The following IQCM variants were observed in gnomAD, a reference collection of about 807,000 sequenced individuals.
IQCM encodes IQ motif containing M.
IQCM carries 45 observed loss-of-function variants against 57.6 expected under a neutral mutation model. The observed-to-expected ratio is 0.78, with a 90% CI of 0.62 to 1.00. The LOEUF (loss-of-function observed/expected upper bound fraction) is 1.00, where lower values mean the gene tolerates loss of function less well. Ranked by LOEUF, IQCM falls within the 50% of genes least tolerant of loss-of-function variation. The pLI is 0.00. For synonymous variants in IQCM, 148 were observed against 158.9 expected (o/e 0.93, Z 0.51); for missense variants, 468 against 511.6 (o/e 0.91, Z 0.82).
intron 12 of IQCM, among the ~76,000 whole-genome samples, chr4:149,495,131 A>G (rs1742521315): frequency 1.3e-5 from 2 of 152,150 alleles, no homozygotes; most frequent in African/African-American, 4.8e-5. Flanking sequence ...CAGGGGATAC[A>G]GAGAAAGAAA....
chr4:149,405,481 C>A (rs1732911383), intron 13 of IQCM, among the ~76,000 whole-genome samples: 1 of 151,640 alleles, frequency 6.6e-6, no homozygotes, highest in African/African-American at 2.4e-5. Context: ...ATGGAGGCAG[C>A]AAACTAACAT....
chr4:149,414,031 C>A (rs1040064068), intron 13 of IQCM, among the ~76,000 whole-genome samples: 1 of 152,178 alleles, frequency 6.6e-6, no homozygotes, highest in Non-Finnish European at 1.5e-5. Context: ...AGTATTAATG[C>A]AAAGTCTTGC....
intron 12 of IQCM, among the ~76,000 whole-genome samples, chr4:149,438,024 T>TC (rs1346909748): frequency 6.6e-6 from 1 of 152,050 alleles, no homozygotes; most frequent in Non-Finnish European, 1.5e-5. Context: ...TCAGGACCAG[T>TC]CCTAAGTGTA....
chr4:149,765,877 C>A (rs1561250026), intron 2 of IQCM, among the ~76,000 whole-genome samples: 1 of 151,928 alleles, frequency 6.6e-6, no homozygotes, highest in African/African-American at 2.4e-5. Flanking sequence ...CTGATTCAAC[C>A]AGTCCAGTGG....
intron 6 of IQCM, among the ~76,000 whole-genome samples, chr4:149,683,211 T>C (rs968689999): frequency 4.6e-5 from 7 of 151,216 alleles, no homozygotes; most frequent in Non-Finnish European, 1.5e-5. Context: ...TATTTGTTGG[T>C]TTTGCTTTTT....
At chr4:149,720,491 C>G (rs1483855797) in intron 5 of IQCM, among the ~76,000 whole-genome samples, 1 of 152,070 alleles carries the variant, frequency 6.6e-6, no homozygotes, top group South Asian at 2.1e-4. Context: ...TACTCTGAGT[C>G]CTCATCTTGC....
At chr4:149,736,457 T>C (rs1185761041) in intron 3 of IQCM, among the ~76,000 whole-genome samples, 2 of 152,146 alleles carry the variant, frequency 1.3e-5, no homozygotes, top group African/African-American at 4.8e-5. Flanking sequence ...GGCTTCCTCC[T>C]CTTAACTCAA....
chr4:149,470,326 G>A (rs1172225616), intron 12 of IQCM, among the ~76,000 whole-genome samples: 1 of 151,222 alleles, frequency 6.6e-6, no homozygotes, highest in Non-Finnish European at 1.5e-5. Context: ...TGCAATACAA[G>A]TTTCTGATAA....
chr4:149,381,071 T>C (rs1392631928), intron 13 of IQCM, among the ~76,000 whole-genome samples: 1 of 152,192 alleles, frequency 6.6e-6, no homozygotes, highest in African/African-American at 2.4e-5. Flanking sequence ...CTCAGCTCAG[T>C]AAATTTCTGC....
chr4:149,533,441 A>T (rs891426032), intron 12 of IQCM, among the ~76,000 whole-genome samples: 13 of 152,140 alleles, frequency 8.5e-5, no homozygotes, highest in Non-Finnish European at 1.2e-4. Context: ...GAGAATTTTT[A>T]AAAGGCCTTT....
intron 13 of IQCM, among the ~76,000 whole-genome samples, chr4:149,426,101 A>C (rs1052628406): frequency 6.6e-6 from 1 of 152,018 alleles, no homozygotes; most frequent in Non-Finnish European, 1.5e-5. Context: ...CATGGTAACA[A>C]GTTAGAACTA....
intron 7 of IQCM, among the ~76,000 whole-genome samples, chr4:149,641,611 A>C (rs1336536723): frequency 1.3e-5 from 2 of 152,162 alleles, no homozygotes; most frequent in East Asian, 3.8e-4. Context: ...AGTCACTTAA[A>C]TGTTTTTTCA....
In IQCM at chr4:149,596,430, C is replaced by A. The variant is rs569193028; in HGVS notation, c.682-8433G>T. On this transcript the variant is annotated intron_variant, in intron 8 of 13. Transcript: ENST00000636793. ...TGTCTTTGCCTTGGGGATGGTATGG[C>A]AATTTCTGACAGCTTAGAGTCTAGG... is the stretch of plus-strand genomic sequence containing the variant. Among the ~76,000 whole-genome samples the A allele has an allele frequency of 4.6e-4, 70 of 152,152 alleles. No individual in the cohort carries two copies. The South Asian group carries it at 0.015, about 32-fold the overall frequency.
At chr4:149,763,809 AAG>A (rs1769768117) in intron 2 of IQCM, among the ~76,000 whole-genome samples, 3 of 151,952 alleles carry the variant, frequency 2.0e-5, no homozygotes, top group African/African-American at 7.3e-5. Context: ...AATGAAGAGA[AAG>A]TCCTGCAAAA....
intron 5 of IQCM, chr4:149,690,768 G>A (rs1270359147): frequency 6.6e-6 from 1 of 152,018 alleles, no homozygotes; most frequent in East Asian, 1.9e-4. Flanking sequence ...AGCATTCCTT[G>A]TGAATTATCT....
chr4:149,734,256 A>G (rs1421891846), intron 4 of IQCM, among the ~76,000 whole-genome samples: 1 of 152,120 alleles, frequency 6.6e-6, no homozygotes, highest in Non-Finnish European at 1.5e-5. Flanking sequence ...CTAGTATTAC[A>G]TTTTTCCAGG....
intron 7 of IQCM, among the ~76,000 whole-genome samples, chr4:149,641,179 A>C (rs965638350): frequency 6.6e-6 from 1 of 152,224 alleles, no homozygotes; most frequent in African/African-American, 2.4e-5. Context: ...ACTAACTATG[A>C]GAAAACAAAA....
chr4:149,692,871 A>T (rs553804188), intron 5 of IQCM, among the ~76,000 whole-genome samples: 114 of 152,306 alleles, frequency 7.5e-4, no homozygotes, highest in Non-Finnish European at 7.2e-4. Flanking sequence ...TAGAATACTC[A>T]TTCAAAGAGA....
chr4:149,468,808 C>A (rs1739167319), intron 12 of IQCM, among the ~76,000 whole-genome samples: 2 of 152,308 alleles, frequency 1.3e-5, no homozygotes, highest in South Asian at 2.1e-4. Context: ...GCAACATTTG[C>A]TGTTCTGCAA....
Sources: allele counts gnomAD v4.1 joint callset (sites outside exome capture counted in the v4.1 genomes callset), GRCh38; gene constraint gnomAD v4.1.1; transcripts MANE v1.5; gene names NCBI Gene and HGNC (gene_info 2026-07-23, HGNC 2026-07-21).